The following PRKCE variants were observed in gnomAD, a reference collection of about 807,000 sequenced individuals.
PRKCE encodes protein kinase C epsilon, also known as protein kinase C epsilon type.
Under a neutral mutation model 85.4 loss-of-function variants are expected in PRKCE, and 16 were observed. The ratio of observed to expected loss-of-function variants is 0.19; its 90% CI spans 0.13 to 0.28. The LOEUF (loss-of-function observed/expected upper bound fraction) is 0.28, where lower values mean the gene tolerates loss of function less well. Among genes scored for constraint, PRKCE ranks in the 10% least tolerant of loss-of-function variants. The pLI is 1.00. For synonymous variants in PRKCE, 388 were observed against 371.5 expected (o/e 1.04, Z -0.51); for missense variants, 573 against 975.2 (o/e 0.59, Z 5.49).
chr2:45,932,816 A>G (rs562420689), intron 2 of PRKCE, among the ~76,000 whole-genome samples: 19 of 152,264 alleles, frequency 1.2e-4, no homozygotes, highest in African/African-American at 4.3e-4. Flanking sequence ...GGCAATCGTC[A>G]TGCTACTTTG....
At chr2:46,086,948 G>A (rs188605555) in intron 11 of PRKCE, among the ~76,000 whole-genome samples, 16 of 152,086 alleles carry the variant, frequency 1.1e-4, no homozygotes, top group African/African-American at 1.7e-4. Flanking sequence ...ACACACGCAC[G>A]TCCACACACA....
At chr2:45,772,720 G>A (rs7577292) in intron 1 of PRKCE, among the ~76,000 whole-genome samples, 14,640 of 152,118 alleles carry the variant, frequency 0.096, 2,439 homozygotes, top group African/African-American at 0.33. Context: ...GCACCATTTA[G>A]GGTGAAGTTG....
intron 5 of PRKCE, among the ~76,000 whole-genome samples, chr2:45,983,991 G>C (rs554824793): frequency 6.8e-6 from 1 of 148,044 alleles, no homozygotes; most frequent in East Asian, 2.0e-4. Flanking sequence ...AGGCTAGGGT[G>C]CAGTGGGATG....
chr2:46,128,355 C>A (rs1674077375), intron 11 of PRKCE, among the ~76,000 whole-genome samples: 1 of 152,198 alleles, frequency 6.6e-6, no homozygotes, highest in Non-Finnish European at 1.5e-5. Context: ...GCAATTGGAG[C>A]TAACATTTGT....
chr2:45,808,561 C>T (rs576018189), intron 1 of PRKCE, among the ~76,000 whole-genome samples: 1 of 152,290 alleles, frequency 6.6e-6, no homozygotes, highest in East Asian at 1.9e-4. Flanking sequence ...ACTGATGGTG[C>T]CAGCCCTTCC....
intron 2 of PRKCE, among the ~76,000 whole-genome samples, chr2:45,945,311 T>A (rs958884301): frequency 1.3e-5 from 2 of 152,080 alleles, no homozygotes; most frequent in African/African-American, 2.4e-5. Context: ...AAGCTTACGA[T>A]CATGGCAGAC....
intron 2 of PRKCE, among the ~76,000 whole-genome samples, chr2:45,955,307 T>C (rs1033335587): frequency 6.6e-6 from 1 of 151,910 alleles, no homozygotes; most frequent in Admixed American, 6.6e-5. Context: ...AATGAGAAGT[T>C]TGGAGGGAGG....
chr2:45,753,786 T>C (rs1174683564), intron 1 of PRKCE, among the ~76,000 whole-genome samples: 2 of 152,232 alleles, frequency 1.3e-5, no homozygotes, highest in African/African-American at 2.4e-5. Flanking sequence ...TGCGGAAATA[T>C]TCTAAAGCCA....
chr2:46,184,930 G>A lies in PRKCE; in HGVS notation c.*49G>A, dbSNP rs1255974392. The A allele has an allele frequency of 1.9e-6, 3 of 1,595,308 alleles. No individual in the cohort carries two copies. Among genetic ancestry groups the A allele is most frequent in the Non-Finnish European group, 2.5e-6 (3 of 1,177,102 alleles). ...CCGATGCTGCAAGAAGGGGTGCAGA[G>A]AAGACTCCTGTGTTGGAGACACTCA... On this transcript the variant is annotated 3_prime_UTR_variant, in exon 15 of 15. Transcript: ENST00000306156. The surrounding 1 kb of genome is among the most constrained non-coding windows in gnomAD (Gnocchi z 5.0).
intron 11 of PRKCE, among the ~76,000 whole-genome samples, chr2:46,131,989 T>G (rs1300632927): frequency 6.6e-6 from 1 of 152,094 alleles, no homozygotes; most frequent in East Asian, 1.9e-4. Flanking sequence ...ATTATTATTA[T>G]TTATTATTTC....
chr2:46,165,168 CCAGTG>C (rs2104615702), intron 14 of PRKCE, among the ~76,000 whole-genome samples: 1 of 152,318 alleles, frequency 6.6e-6, no homozygotes, highest in Admixed American at 6.5e-5. Flanking sequence ...TAACCCCCAC[CCAGTG>C]CAGTTTTCAG....
At chr2:46,022,639 G>C (rs1011108539) in intron 10 of PRKCE, among the ~76,000 whole-genome samples, 2 of 152,216 alleles carry the variant, frequency 1.3e-5, no homozygotes, top group Non-Finnish European at 2.9e-5. Flanking sequence ...TTACATCAGG[G>C]TTCCAAACTC....
At chr2:46,003,561 T>C (rs1187543017) in intron 7 of PRKCE, among the ~76,000 whole-genome samples, 1 of 152,226 alleles carries the variant, frequency 6.6e-6, no homozygotes, top group Non-Finnish European at 1.5e-5. Flanking sequence ...AAGTATCCTA[T>C]AGTCTACTTA....
At chr2:45,838,568 A>C (rs1401389437) in intron 1 of PRKCE, among the ~76,000 whole-genome samples, 1 of 152,100 alleles carries the variant, frequency 6.6e-6, no homozygotes, top group Non-Finnish European at 1.5e-5. Flanking sequence ...TTCCCCCAGA[A>C]AGGGTGCATA....
chr2:46,088,808 A>G (rs1558441248), intron 11 of PRKCE, among the ~76,000 whole-genome samples: 3 of 152,146 alleles, frequency 2.0e-5, no homozygotes, highest in Non-Finnish European at 4.4e-5. Context: ...ACAATCACCA[A>G]CATTTTATTG....
At chr2:45,782,710 TAATC>T (rs1245530829) in intron 1 of PRKCE, among the ~76,000 whole-genome samples, 1 of 152,054 alleles carries the variant, frequency 6.6e-6, no homozygotes, top group Non-Finnish European at 1.5e-5. Flanking sequence ...TGAGTTGAGA[TAATC>T]AACCCTCTGT....
intron 11 of PRKCE, among the ~76,000 whole-genome samples, chr2:46,135,696 G>A (rs1401939525): frequency 7.2e-6 from 1 of 138,094 alleles, no homozygotes; most frequent in Admixed American, 8.1e-5. Context: ...TATCAGCACT[G>A]CAATGGAGAA....
At chr2:45,672,626 A>G (rs1395916132) in intron 1 of PRKCE, among the ~76,000 whole-genome samples, 3 of 152,238 alleles carry the variant, frequency 2.0e-5, no homozygotes, top group African/African-American at 4.8e-5. Context: ...GCAATTGACC[A>G]GACTACCCTG....
chr2:45,893,973 C>G (rs1027780593), intron 2 of PRKCE, among the ~76,000 whole-genome samples: 4 of 152,086 alleles, frequency 2.6e-5, no homozygotes, highest in African/African-American at 9.7e-5. Flanking sequence ...ACTTAGGTCT[C>G]AGTTTGCCCA....
Sources: allele counts gnomAD v4.1 joint callset (sites outside exome capture counted in the v4.1 genomes callset), GRCh38; gene constraint gnomAD v4.1.1; non-coding constraint Gnocchi (gnomAD v3.1); transcripts MANE v1.5; gene names NCBI Gene and HGNC (gene_info 2026-07-23, HGNC 2026-07-21).